Variants in CHRM5 observed in about 807,000 individuals in gnomAD.
CHRM5 encodes the protein cholinergic receptor muscarinic 5, also known as muscarinic acetylcholine receptor M5.
CHRM5 carries 18 observed loss-of-function variants against 39.0 expected under a neutral mutation model. That is an observed-to-expected ratio of 0.46 (90% CI 0.32 to 0.68). The LOEUF is 0.68. Among genes scored for constraint, CHRM5 ranks in the 30% least tolerant of loss-of-function variants. The pLI, the probability that CHRM5 is intolerant of heterozygous loss-of-function variation, is 0.04. For missense variants in CHRM5, 515 were observed against 651.1 expected (o/e 0.79, Z 2.28); for synonymous variants, 241 against 246.3 (o/e 0.98, Z 0.20).
chr15:34,052,453 G>C (rs1685118), intron 2 of CHRM5, among the ~76,000 whole-genome samples: 119,615 of 152,096 alleles, frequency 0.79, 48,830 homozygotes, highest in Non-Finnish European at 0.89. Context: ...AGGGTACTCT[G>C]TCTTACCACT....
intron 1 of CHRM5, among the ~76,000 whole-genome samples, chr15:33,995,654 G>A (rs1206987715): frequency 2.0e-5 from 3 of 152,228 alleles, no homozygotes; most frequent in Non-Finnish European, 4.4e-5. Context: ...TTACTGAAAT[G>A]ACTAAATGAA....
intron 1 of CHRM5, among the ~76,000 whole-genome samples, chr15:34,022,134 C>T (rs1338176434): frequency 6.6e-6 from 1 of 152,220 alleles, no homozygotes; most frequent in African/African-American, 2.4e-5. Flanking sequence ...GTTTGGCTGG[C>T]ATGCCCTTCT....
At chr15:34,040,040 T>G (rs1899400088) in intron 1 of CHRM5, among the ~76,000 whole-genome samples, 1 of 152,230 alleles carries the variant, frequency 6.6e-6, no homozygotes, top group Non-Finnish European at 1.5e-5. Flanking sequence ...CCTAGCAGAA[T>G]AAGTGTTTTC....
rs1898414956 is a variant in CHRM5 at position 34,025,449 on chromosome 15, G to A, written c.-407-21091G>A. On this transcript the variant is annotated intron_variant, in intron 1 of 2. Transcript: ENST00000383263. ...CAGAGAAGTAGACTAGAGTGGTTAG[G>A]ATGCCATGGTAACTGCCATAGTGAA... is the stretch of plus-strand genomic sequence containing the variant. Among the ~76,000 whole-genome samples, 3 of 152,172 alleles carry A rather than the reference G, an allele frequency of 2.0e-5. 1 individual carries two copies. Among genetic ancestry groups the A allele is most frequent in the South Asian group, 4.1e-4 (2 of 4,834 alleles).
intron 2 of CHRM5, among the ~76,000 whole-genome samples, chr15:34,060,382 C>T (rs1900294839): frequency 6.6e-6 from 1 of 152,068 alleles, no homozygotes; most frequent in African/African-American, 2.4e-5. Flanking sequence ...AACTCGATTC[C>T]ATATTGAATT....
chr15:34,024,029 A>C (rs766799767), intron 1 of CHRM5, among the ~76,000 whole-genome samples: 1 of 152,228 alleles, frequency 6.6e-6, no homozygotes, highest in Non-Finnish European at 1.5e-5. Context: ...AAAACCTGCT[A>C]CCAGAAAATA....
At chr15:34,020,222 A>G (rs556733519) in intron 1 of CHRM5, among the ~76,000 whole-genome samples, 4 of 152,200 alleles carry the variant, frequency 2.6e-5, no homozygotes, top group Non-Finnish European at 4.4e-5. Flanking sequence ...GAGGCAGGAG[A>G]ATGGCGTGAA....
intron 1 of CHRM5, among the ~76,000 whole-genome samples, chr15:34,031,953 T>C (rs957273595): frequency 2.0e-5 from 3 of 152,018 alleles, no homozygotes; most frequent in Non-Finnish European, 4.4e-5. Flanking sequence ...CTGTTAATTA[T>C]TTCCATCCAA....
In CHRM5 at chr15:34,064,359, C is replaced by T. The variant is rs1346596494; in HGVS notation, c.*43C>T. 4 of 1,560,292 alleles carry T rather than the reference C, an allele frequency of 2.6e-6. No homozygotes were observed. The highest frequency in any genetic ancestry group is 2.0e-5 in the Admixed American group (1 of 50,996). ...TCGAAAGAACAATGACCACAGTCAA[C>T]ATCCTCTGAGGATGAGCAAGCTGAT... On this transcript the variant is annotated 3_prime_UTR_variant, in exon 3 of 3. Coordinates refer to ENST00000383263, the MANE Select transcript of CHRM5 (RefSeq NM_012125.4).
chr15:33,997,860 G>A (rs1022773916), intron 1 of CHRM5, among the ~76,000 whole-genome samples: 3 of 152,144 alleles, frequency 2.0e-5, no homozygotes, highest in Non-Finnish European at 4.4e-5. Context: ...CACAATATGA[G>A]TCAGGGAAAA....
At position 34,064,011 on chromosome 15, in the gene CHRM5, G is replaced by C. The variant is rs759671343; in HGVS notation, c.1294G>C (p.Val432Leu). The change falls in exon 3 of 3, where the codon GTG becomes CTG. Residue 432 changes from valine (V) to leucine (L), a missense_variant. Physicochemically the swap from Val to Leu is conservative, Grantham distance 32. Coordinates refer to ENST00000383263, the MANE Select transcript of CHRM5 (RefSeq NM_012125.4). The part of the protein sequence containing the change: ...PSHQMTKRKR[V>L]VLVKERKAAQ... ...CCATCAAATGACCAAACGAAAGAGA[G>C]TGGTCCTAGTCAAAGAGAGGAAAGC... 6.2e-7 allele frequency: 1 copy of C among 1,614,178 alleles called. No homozygotes were observed. The highest frequency in any genetic ancestry group is 1.1e-5 in the South Asian group (1 of 91,072).
chr15:34,045,451 C>T (rs1190114235), intron 1 of CHRM5, among the ~76,000 whole-genome samples: 4 of 152,212 alleles, frequency 2.6e-5, no homozygotes, highest in Admixed American at 6.5e-5. Flanking sequence ...TTCATTCACA[C>T]GCTCTTTCAC....
At chr15:34,037,933 G>A (rs1052782960) in intron 1 of CHRM5, among the ~76,000 whole-genome samples, 1 of 152,124 alleles carries the variant, frequency 6.6e-6, no homozygotes, top group Non-Finnish European at 1.5e-5. Flanking sequence ...AGATGGTCTT[G>A]TCCTACAGAT....
At chr15:34,035,468 T>C (rs1301286175) in intron 1 of CHRM5, among the ~76,000 whole-genome samples, 1 of 152,142 alleles carries the variant, frequency 6.6e-6, no homozygotes, top group African/African-American at 2.4e-5. Flanking sequence ...CAGGAGCAGT[T>C]TAGAGCAGCA....
At chr15:34,057,496 C>T (rs1029936822) in intron 2 of CHRM5, among the ~76,000 whole-genome samples, 1 of 152,114 alleles carries the variant, frequency 6.6e-6, no homozygotes, top group Non-Finnish European at 1.5e-5. Context: ...AGTGAACATT[C>T]CCTTGTGTCA....
chr15:34,063,815 A>G lies in CHRM5; in HGVS notation c.1098A>G (p.Ala366=). 1 of 1,614,230 alleles carries G rather than the reference A, an allele frequency of 6.2e-7. No individual in the cohort carries two copies. The highest frequency in any genetic ancestry group is 1.1e-5 in the South Asian group (1 of 91,088). The change falls in exon 3 of 3, where the codon GCA becomes GCG. Residue 366 remains alanine (A), a synonymous_variant. Coordinates refer to ENST00000383263, the MANE Select transcript of CHRM5 (RefSeq NM_012125.4). The surrounding 1 kb of genome is among the most constrained non-coding windows in gnomAD (Gnocchi z 4.1). ...CCCCAAACTACCTTCTGTCTCCAGC[A>G]GCTGCTCATAGACCCAAGAGTCAGA... ...YDTPNYLLSP[A]AAHRPKSQKC...
intron 1 of CHRM5, among the ~76,000 whole-genome samples, chr15:33,980,501 C>T (rs1896088843): frequency 6.6e-6 from 1 of 152,154 alleles, no homozygotes; most frequent in Non-Finnish European, 1.5e-5. Context: ...GGGCTGATGG[C>T]CATATATGAC....
rs73383784 is a variant in CHRM5 at position 33,987,084 on chromosome 15, G to T, written c.-408+17934G>T. Among the ~76,000 whole-genome samples the T allele has an allele frequency of 3.8e-3, 575 of 152,314 alleles. 3 individuals are homozygous for T. Among genetic ancestry groups the T allele is most frequent in the African/African-American group, 0.013 (551 of 41,556 alleles). The stretch of plus-strand genomic sequence containing the variant: ...CCACTCAATGCCTCTAAATTAAACA[G>T]TATATATTCATAATTCATTAGCATT... On this transcript the variant is annotated intron_variant, in intron 1 of 2. Coordinates refer to ENST00000383263, the MANE Select transcript of CHRM5 (RefSeq NM_012125.4).
intron 1 of CHRM5, among the ~76,000 whole-genome samples, chr15:34,033,702 G>A (rs1372701919): frequency 6.6e-6 from 1 of 152,118 alleles, no homozygotes; most frequent in African/African-American, 2.4e-5. Context: ...GTTGAATAAG[G>A]TTCTGTGGGA....
Sources: gnomAD v4.1 joint callset for allele counts (sites outside exome capture counted in the v4.1 genomes callset) on GRCh38, gnomAD v4.1.1 for gene constraint, Gnocchi (gnomAD v3.1) non-coding constraint, MANE v1.5 for transcripts, NCBI Gene and HGNC (gene_info 2026-07-23, HGNC 2026-07-21) for gene names.